The following ULK4 variants were observed in gnomAD, a reference collection of about 807,000 sequenced individuals.
ULK4 encodes inactive serine/threonine-protein kinase ULK4.
ULK4 carries 133 observed loss-of-function variants against 160.6 expected under a neutral mutation model. That is an observed-to-expected ratio of 0.83 (90% confidence interval 0.72 to 0.96). ULK4 has a LOEUF of 0.96. ULK4 is among the 40% of genes least tolerant of loss of function. The pLI is 0.00. For synonymous variants in ULK4, 534 were observed against 539.8 expected (o/e 0.99, Z 0.15); for missense variants, 1,580 against 1,499.5 (o/e 1.05, Z -0.89).
intron 2 of ULK4, among the ~76,000 whole-genome samples, chr3:41,950,919 C>T (rs1299208683): frequency 1.2e-4 from 18 of 151,398 alleles, no homozygotes; most frequent in Non-Finnish European, 2.7e-4. Flanking sequence ...CCGAAGCGGG[C>T]AGATCACGAG....
chr3:41,705,902 A>G (rs1406595488), intron 25 of ULK4, among the ~76,000 whole-genome samples: 2 of 152,208 alleles, frequency 1.3e-5, no homozygotes, highest in African/African-American at 4.8e-5. Context: ...CTTGCTCGCC[A>G]TATCAGAAGA....
intron 22 of ULK4, among the ~76,000 whole-genome samples, chr3:41,728,851 T>C (rs1321884042): frequency 6.6e-5 from 10 of 152,166 alleles, no homozygotes. Context: ...CCACAACATA[T>C]ATGTATACAC....
chr3:41,326,194 C>G (rs1356664535), intron 35 of ULK4, among the ~76,000 whole-genome samples: 1 of 152,064 alleles, frequency 6.6e-6, no homozygotes, highest in Non-Finnish European at 1.5e-5. Context: ...CTGTAGGCAG[C>G]AAATTTACAG....
intron 27 of ULK4, among the ~76,000 whole-genome samples, chr3:41,703,905 G>A (rs1365438057): frequency 2.6e-5 from 4 of 151,992 alleles, no homozygotes. Flanking sequence ...GGTGGGGGCA[G>A]AGGGTAGAGA....
intron 35 of ULK4, among the ~76,000 whole-genome samples, chr3:41,311,729 C>T (rs1018292921): frequency 4.6e-5 from 7 of 151,294 alleles, no homozygotes; most frequent in African/African-American, 9.7e-5. Flanking sequence ...CCACTAGGCT[C>T]GGCTAATTTT....
chr3:41,819,290 T>G lies in ULK4; in HGVS notation c.1848+133A>C, dbSNP rs899639217. Reference sequence around the variant, plus strand: ...TAGGTCACTTGCTCATGGTAGGTTGTCGGGATTATTTAAATTCAGGAGCAA... The same window carrying G: ...TAGGTCACTTGCTCATGGTAGGTTGGCGGGATTATTTAAATTCAGGAGCAA... On this transcript the variant is annotated intron_variant, in intron 19 of 36. Coordinates refer to ENST00000301831, the MANE Select transcript of ULK4 (RefSeq NM_017886.4). 1.2e-5 allele frequency: 9 copies of G among 734,740 alleles called. No homozygotes were observed. In the African/African-American group the frequency reaches 1.6e-4, roughly 13 times the overall value. The allele number at this position is 734,740 out of a possible 1,614,324, so 45.5% of individuals were successfully genotyped here.
chr3:41,385,022 C>G (rs1159944801), intron 35 of ULK4, among the ~76,000 whole-genome samples: 1 of 151,906 alleles, frequency 6.6e-6, no homozygotes, highest in Non-Finnish European at 1.5e-5. Flanking sequence ...CCACTGCATT[C>G]CTGCCTGAAC....
At chr3:41,410,638 TAA>T (rs78415439) in intron 34 of ULK4, among the ~76,000 whole-genome samples, 39,996 of 134,646 alleles carry the variant, frequency 0.3, 5,514 homozygotes, top group South Asian at 0.44. Context: ...TTTGAGAGGT[TAA>T]TTTTATGGTA....
At chr3:41,855,242 T>TA (rs748178769) in intron 17 of ULK4, among the ~76,000 whole-genome samples, 2 of 137,786 alleles carry the variant, frequency 1.5e-5, no homozygotes, top group Non-Finnish European at 2.9e-5. Context: ...AAGAGAAACA[T>TA]ACCCGTTTTC....
chr3:41,709,506 C>A (rs1429960930), intron 25 of ULK4, among the ~76,000 whole-genome samples: 2 of 152,094 alleles, frequency 1.3e-5, no homozygotes, highest in Non-Finnish European at 2.9e-5. Flanking sequence ...CTTGCCTCAG[C>A]CTTCCAAGTA....
intron 5 of ULK4, among the ~76,000 whole-genome samples, chr3:41,922,477 G>C (rs1699224220): frequency 6.6e-6 from 1 of 152,148 alleles, no homozygotes; most frequent in East Asian, 1.9e-4. Context: ...GAAGGGAGGG[G>C]AGAGTATGGA....
At chr3:41,824,604 A>C (rs2125636492) in intron 18 of ULK4, among the ~76,000 whole-genome samples, 1 of 152,336 alleles carries the variant, frequency 6.6e-6, no homozygotes, top group East Asian at 1.9e-4. Context: ...GCAAGGCAGC[A>C]GCGATGCTGG....
intron 34 of ULK4, among the ~76,000 whole-genome samples, chr3:41,413,589 T>C (rs562390570): frequency 1.1e-4 from 16 of 152,296 alleles, no homozygotes; most frequent in Admixed American, 1.0e-3. Context: ...CATAAAAAAG[T>C]ATTCTTTCAA....
intron 17 of ULK4, among the ~76,000 whole-genome samples, chr3:41,843,712 C>T (rs1044145662): frequency 2.0e-4 from 31 of 152,204 alleles, no homozygotes; most frequent in African/African-American, 7.5e-4. Context: ...TTGCAAAGAG[C>T]AAAAGAACAA....
intron 30 of ULK4, among the ~76,000 whole-genome samples, chr3:41,642,472 G>C (rs1484478992): frequency 6.6e-6 from 1 of 152,092 alleles, no homozygotes; most frequent in Non-Finnish European, 1.5e-5. Context: ...AGTTTACTGA[G>C]AATGATGATT....
intron 32 of ULK4, among the ~76,000 whole-genome samples, chr3:41,466,481 T>C (rs938731218): frequency 6.6e-6 from 1 of 152,154 alleles, no homozygotes; most frequent in Admixed American, 6.5e-5. Context: ...GAGAGATCCT[T>C]GACCATTACC....
chr3:41,947,525 T>C lies in ULK4; in HGVS notation c.138+7097A>G, dbSNP rs139709929. Among the ~76,000 whole-genome samples the C allele has an allele frequency of 5.3e-5, 8 of 152,194 alleles. No homozygotes were observed. In the South Asian group the frequency reaches 8.3e-4, roughly 16 times the overall value. On this transcript the variant is annotated intron_variant, in intron 2 of 36. Transcript: ENST00000301831. ...GGCCTCCTCAACTGGAGAGGGGGCA[T>C]TGGTACCATGATCCAACAGATCTGA...
At chr3:41,649,464 AC>A (rs1428920989) in intron 30 of ULK4, among the ~76,000 whole-genome samples, 1 of 151,064 alleles carries the variant, frequency 6.6e-6, no homozygotes. Flanking sequence ...AAGCCCCTGT[AC>A]CCCCTGCCAC....
chr3:41,640,114 C>T (rs1050068815), intron 30 of ULK4, among the ~76,000 whole-genome samples: 3 of 152,134 alleles, frequency 2.0e-5, no homozygotes, highest in African/African-American at 7.2e-5. Context: ...TTCTCATGGG[C>T]AATGGCGTCC....
Sources: allele counts gnomAD v4.1 joint callset (sites outside exome capture counted in the v4.1 genomes callset), GRCh38; gene constraint gnomAD v4.1.1; transcripts MANE v1.5; gene names NCBI Gene and HGNC (gene_info 2026-07-23, HGNC 2026-07-21).